AMD1: variants seen among roughly 807,000 people sequenced by gnomAD.
The protein encoded by AMD1 is S-adenosylmethionine decarboxylase proenzyme.
Under a neutral mutation model 40.2 loss-of-function variants are expected in AMD1, and 11 were observed. That is an observed-to-expected ratio of 0.27 (90% CI 0.17 to 0.45). The LOEUF (loss-of-function observed/expected upper bound fraction) is 0.45, where lower values mean the gene tolerates loss of function less well. AMD1 is among the 20% of genes least tolerant of loss of function. The probability of loss-of-function intolerance (pLI) is 1.00; values close to 1 mark genes in which losing one functional copy is unlikely to be tolerated. For synonymous variants in AMD1, 121 were observed against 130.8 expected (o/e 0.93, Z 0.51); for missense variants, 257 against 410.2 (o/e 0.63, Z 3.23).
chr6:110,814,802 C>T, the AMD1 span: 1 of 698,930 alleles, frequency 1.4e-6, no homozygotes, highest in Non-Finnish European at 2.5e-6. Flanking sequence ...CGGGCTGCGC[C>T]GCGGGAGTTC....
chr6:110,888,094 T>A (rs1785797479), intron 2 of AMD1, among the ~76,000 whole-genome samples: 1 of 152,192 alleles, frequency 6.6e-6, no homozygotes, highest in Non-Finnish European at 1.5e-5. Flanking sequence ...TCAAGGTGTT[T>A]GCCGTCTTTT....
At chr6:110,839,000 C>T in the AMD1 span, among the ~76,000 whole-genome samples, 2 of 152,238 alleles carry the variant, frequency 1.3e-5, no homozygotes, top group African/African-American at 2.4e-5. Context: ...TTCTTGACCT[C>T]GGGTGATCCA....
chr6:110,889,012 C>A lies in AMD1; in HGVS notation c.324+29C>A, dbSNP rs201052912. The A allele has an allele frequency of 3.7e-6, 6 of 1,607,450 alleles. No homozygotes were observed. The South Asian group carries it at 6.7e-5, about 18-fold the overall frequency. ...AGTAAGCAAACATTTAAATATTTTTCAGGCATAAATGTTAGCGTTCTTATC... is the reference window on the plus strand; with the variant it reads ...AGTAAGCAAACATTTAAATATTTTTAAGGCATAAATGTTAGCGTTCTTATC... On this transcript the variant is annotated intron_variant, in intron 3 of 8. Coordinates refer to ENST00000368885, the MANE Select transcript of AMD1 (RefSeq NM_001634.6).
At chr6:110,876,035 G>A (rs1000472951) in intron 1 of AMD1, among the ~76,000 whole-genome samples, 1 of 152,188 alleles carries the variant, frequency 6.6e-6, no homozygotes, top group Non-Finnish European at 1.5e-5. Context: ...GCGGGTGGAG[G>A]GAGGCCCGCC....
chr6:110,834,203 A>G, the AMD1 span, among the ~76,000 whole-genome samples: 1 of 151,842 alleles, frequency 6.6e-6, no homozygotes, highest in African/African-American at 2.4e-5. Context: ...GCCATACATG[A>G]TAACTCATGC....
chr6:110,849,285 C>G, the AMD1 span, among the ~76,000 whole-genome samples: 1 of 152,106 alleles, frequency 6.6e-6, no homozygotes, highest in Non-Finnish European at 1.5e-5. Context: ...AATTGAGAAC[C>G]AGGCAGATCC....
chr6:110,839,866 A>C, the AMD1 span, among the ~76,000 whole-genome samples: 1 of 152,142 alleles, frequency 6.6e-6, no homozygotes, highest in African/African-American at 2.4e-5. Flanking sequence ...GGTTCGGAAA[A>C]GAATGTACTT....
At chr6:110,853,979 T>C in the AMD1 span, among the ~76,000 whole-genome samples, 3 of 152,152 alleles carry the variant, frequency 2.0e-5, no homozygotes, top group African/African-American at 7.2e-5. Flanking sequence ...CTCTCCCAGC[T>C]CTTGTTGGGA....
At chr6:110,877,526 A>G (rs1190350662) in intron 1 of AMD1, among the ~76,000 whole-genome samples, 4 of 152,274 alleles carry the variant, frequency 2.6e-5, no homozygotes, top group Non-Finnish European at 5.9e-5. Context: ...ATAAAGCGTG[A>G]CATGTTTTAC....
the AMD1 span, among the ~76,000 whole-genome samples, chr6:110,823,551 C>T: frequency 6.6e-6 from 1 of 152,168 alleles, no homozygotes; most frequent in East Asian, 1.9e-4. Flanking sequence ...AAATCAGTAG[C>T]AGTCCTATAC....
At chr6:110,852,813 A>G in the AMD1 span, among the ~76,000 whole-genome samples, 7 of 152,160 alleles carry the variant, frequency 4.6e-5, no homozygotes, top group Admixed American at 2.0e-4. Context: ...GTCAATGAAT[A>G]TTTTTCTGAA....
chr6:110,822,790 T>A, the AMD1 span, among the ~76,000 whole-genome samples: 8 of 152,066 alleles, frequency 5.3e-5, no homozygotes, highest in Admixed American at 3.9e-4. Context: ...CACAAGTCAA[T>A]AGATGTGATT....
chr6:110,869,254 C>G, the AMD1 span, among the ~76,000 whole-genome samples: 1 of 151,632 alleles, frequency 6.6e-6, no homozygotes, highest in Non-Finnish European at 1.5e-5. Context: ...CCTCAGCCTC[C>G]CAAGTAGCTG....
the AMD1 span, chr6:110,858,964 C>T: frequency 1.8e-6 from 2 of 1,103,180 alleles, no homozygotes; most frequent in Non-Finnish European, 2.8e-6. Flanking sequence ...TCCTCCATGT[C>T]GCTGCAGATG....
chr6:110,876,571 A>G (rs1020954563), intron 1 of AMD1, among the ~76,000 whole-genome samples: 1 of 152,122 alleles, frequency 6.6e-6, no homozygotes, highest in African/African-American at 2.4e-5. Context: ...GAACGATTCC[A>G]TTGTAGAAAA....
At chr6:110,892,121 G>A (rs1264889038) in intron 4 of AMD1, 40 bp from the exon 5 acceptor site, 13 of 1,602,468 alleles carry the variant, frequency 8.1e-6, no homozygotes, top group Admixed American at 1.7e-5. Flanking sequence ...CCTATTAAAT[G>A]GATGTGTTAT....
chr6:110,818,604 G>A, the AMD1 span, among the ~76,000 whole-genome samples: 2 of 152,040 alleles, frequency 1.3e-5, no homozygotes, highest in Admixed American at 6.6e-5. Context: ...GCTGTGGCGC[G>A]ATCTCACCTC....
chr6:110,875,921 C>T (rs1409406012), intron 1 of AMD1, among the ~76,000 whole-genome samples: 1 of 152,198 alleles, frequency 6.6e-6, no homozygotes, highest in African/African-American at 2.4e-5. Flanking sequence ...GTCCCCGGGG[C>T]CGCCCTCGAC....
the AMD1 span, among the ~76,000 whole-genome samples, chr6:110,818,750 C>G: frequency 6.6e-6 from 1 of 152,198 alleles, no homozygotes; most frequent in South Asian, 2.1e-4. Flanking sequence ...GTTGGCCAGG[C>G]TGGTCTTGAA....
Sources: allele counts gnomAD v4.1 joint callset (sites outside exome capture counted in the v4.1 genomes callset), GRCh38; gene constraint gnomAD v4.1.1; transcripts MANE v1.5; gene names NCBI Gene and HGNC (gene_info 2026-07-23, HGNC 2026-07-21).